NAA60: variants seen among roughly 807,000 people sequenced by gnomAD.
The protein encoded by NAA60 is N-alpha-acetyltransferase 60.
Under a neutral mutation model 26.1 loss-of-function variants are expected in NAA60, and 8 were observed. The ratio of observed to expected loss-of-function variants is 0.31; its 90% CI spans 0.18 to 0.55. The LOEUF (loss-of-function observed/expected upper bound fraction) is 0.55, where lower values mean the gene tolerates loss of function less well. Among genes scored for constraint, NAA60 ranks in the 20% least tolerant of loss-of-function variants. The pLI is 0.93. For missense variants in NAA60, 290 were observed against 311.3 expected, an observed-to-expected ratio of 0.93 and a Z score of 0.51; for synonymous variants, 131 against 122.5, an observed-to-expected ratio of 1.07 and a Z score of -0.46.
chr16:3,483,805 C>T, intron 6 of NAA60: 2 of 570,660 alleles, frequency 3.5e-6, no homozygotes, highest in South Asian at 4.6e-5. Flanking sequence ...GTTGCCCAGG[C>T]TGGTCTCGAA....
chr16:3,443,799 G>A lies in NAA60; in HGVS notation c.-115G>A. 2 of 1,534,944 alleles carry A rather than the reference G, an allele frequency of 1.3e-6. No homozygotes were observed. The highest frequency in any genetic ancestry group is 1.7e-6 in the Non-Finnish European group (2 of 1,146,472). On this transcript the variant is annotated 5_prime_UTR_variant, in exon 1 of 8. Coordinates refer to ENST00000407558, the MANE Select transcript of NAA60 (RefSeq NM_001083601.3). ...CGAGAAGAAGGACAGAAAGAAGACTGGGAGACACCGGAACTCGAAAGAAAA... is the reference window on the plus strand; with the variant it reads ...CGAGAAGAAGGACAGAAAGAAGACTAGGAGACACCGGAACTCGAAAGAAAA...
chr16:3,460,773 G>T (rs1201573775), intron 2 of NAA60, among the ~76,000 whole-genome samples: 1 of 152,216 alleles, frequency 6.6e-6, no homozygotes, highest in African/African-American at 2.4e-5. Flanking sequence ...GTGCTTTCAA[G>T]TAAAATGCTG....
At chr16:3,458,242 G>T in intron 2 of NAA60, 1 of 959,056 alleles carries the variant, frequency 1.0e-6, no homozygotes, top group Non-Finnish European at 1.2e-6. Flanking sequence ...GAGGGGGCGG[G>T]GTAGGCGGGG....
rs766265906 is a variant in NAA60 at position 3,484,698 on chromosome 16, C to T, written c.573-1C>T. 19 of 1,588,154 alleles carry T rather than the reference C, an allele frequency of 1.2e-5. No homozygotes were observed. Among genetic ancestry groups the T allele is most frequent in the Non-Finnish European group, 1.5e-5 (18 of 1,168,418 alleles). On this transcript the variant is annotated splice_acceptor_variant, in intron 6 of 7. Coordinates refer to ENST00000407558, the MANE Select transcript of NAA60 (RefSeq NM_001083601.3). LOFTEE classifies it high-confidence loss of function. ...CGGAATCTTCCTTAACAGAGCCCCA[C>T]GGACTACATCCAGCACCTGGGCTCT...
intron 2 of NAA60, among the ~76,000 whole-genome samples, chr16:3,453,247 A>C (rs552641096): frequency 6.6e-6 from 1 of 152,008 alleles, no homozygotes; most frequent in South Asian, 2.1e-4. Flanking sequence ...AAATACAAAA[A>C]ATTAGCTGGG....
At chr16:3,448,246 C>G (rs1052558032) in intron 1 of NAA60, among the ~76,000 whole-genome samples, 7 of 135,376 alleles carry the variant, frequency 5.2e-5, no homozygotes, top group African/African-American at 1.9e-4. Flanking sequence ...TGCACTCCAG[C>G]TTGGATGACA....
rs1038695505 is a variant in NAA60, at chr16:3,484,979, C to G, written c.*124C>G. The stretch of plus-strand genomic sequence containing the variant: ...CAGCCATCTAACTGGGCTCGTCGGC[C>G]TGCCCCAGCTGCAGGCCCGGTGCTA... On this transcript the variant is annotated 3_prime_UTR_variant, in exon 7 of 8. Coordinates refer to ENST00000407558, the MANE Select transcript of NAA60 (RefSeq NM_001083601.3). 4.6e-6 allele frequency: 7 copies of G among 1,528,538 alleles called. No individual in the cohort carries two copies. Among genetic ancestry groups the G allele is most frequent in the Non-Finnish European group, 6.1e-6 (7 of 1,139,934 alleles). The allele number at this position is 1,528,538 out of a possible 1,614,324, so 94.7% of individuals were successfully genotyped here.
At chr16:3,473,032 T>C (rs80124891) in intron 2 of NAA60, among the ~76,000 whole-genome samples, 11 of 99,028 alleles carry the variant, frequency 1.1e-4, no homozygotes, top group East Asian at 3.9e-4. Context: ...TGTTTTGTTT[T>C]GTTTCGTTTC....
chr16:3,482,164 G>A (rs1368322439), intron 4 of NAA60, among the ~76,000 whole-genome samples: 5 of 152,184 alleles, frequency 3.3e-5, no homozygotes, highest in South Asian at 2.1e-4. Context: ...CATGAGGCCC[G>A]CGTGGTGCTG....
intron 2 of NAA60, among the ~76,000 whole-genome samples, chr16:3,453,417 A>T (rs8061044): frequency 0.051 from 7,669 of 149,640 alleles, 605 homozygotes; most frequent in African/African-American, 0.18. Flanking sequence ...ATGAAAAAAA[A>T]TTTTTTTTTT....
chr16:3,445,112 G>T (rs139352145), intron 1 of NAA60, among the ~76,000 whole-genome samples: 2 of 152,290 alleles, frequency 1.3e-5, no homozygotes, highest in East Asian at 3.9e-4. Context: ...ACAGGTGGAA[G>T]AATGGTAAGA....
At chr16:3,458,115 G>C in intron 2 of NAA60, 1 of 985,274 alleles carries the variant, frequency 1.0e-6, no homozygotes, top group Non-Finnish European at 1.2e-6. Context: ...CCACTTCCCG[G>C]CTCCCTTCGC....
intron 2 of NAA60, among the ~76,000 whole-genome samples, chr16:3,459,407 TACAC>T (rs1889483003): frequency 6.6e-6 from 1 of 152,106 alleles, no homozygotes; most frequent in Non-Finnish European, 1.5e-5. Flanking sequence ...AACAAATAAA[TACAC>T]ACATATCAGT....
In NAA60 at chr16:3,471,434, C is replaced by T. The variant is rs566171893; in HGVS notation, c.-6-4788C>T. Among the ~76,000 whole-genome samples the T allele has an allele frequency of 2.0e-3, 311 of 152,128 alleles. 2 individuals carry two copies. The highest frequency in any genetic ancestry group is 7.3e-3 in the African/African-American group (305 of 41,498). On this transcript the variant is annotated intron_variant, in intron 2 of 7. Coordinates refer to ENST00000407558, the MANE Select transcript of NAA60 (RefSeq NM_001083601.3). ...AGGAGAATGGCGTGAACCCGGGAGGCGGAGCTTGCAGTGAACCGAGATCGC... is the reference window on the plus strand; with the variant it reads ...AGGAGAATGGCGTGAACCCGGGAGGTGGAGCTTGCAGTGAACCGAGATCGC...
At chr16:3,466,442 C>T (rs1169778637) in intron 2 of NAA60, among the ~76,000 whole-genome samples, 1 of 152,244 alleles carries the variant, frequency 6.6e-6, no homozygotes, top group Non-Finnish European at 1.5e-5. Flanking sequence ...CTTTGAGAAA[C>T]AAGCCATGCG....
intron 2 of NAA60, among the ~76,000 whole-genome samples, chr16:3,469,047 C>T (rs1236040748): frequency 6.7e-6 from 1 of 150,332 alleles, no homozygotes; most frequent in African/African-American, 2.5e-5. Context: ...GATCTTGCCA[C>T]TGCACTCCAG....
At chr16:3,482,374 C>G (rs988277060) in intron 4 of NAA60, 128 bp from the exon 5 acceptor site, 6 of 736,504 alleles carry the variant, frequency 8.1e-6, no homozygotes, top group Non-Finnish European at 1.4e-5. Flanking sequence ...CCTCTTGATT[C>G]TGCCCCTCCC....
At chr16:3,483,222 CAGT>C (rs573752733) in intron 5 of NAA60, 138 bp from the exon 6 acceptor site, 14 of 695,436 alleles carry the variant, frequency 2.0e-5, no homozygotes, top group Non-Finnish European at 3.0e-5. Flanking sequence ...GGGACTTTGA[CAGT>C]GGTGGTGAAG....
chr16:3,475,475 C>G (rs559394560), intron 2 of NAA60, among the ~76,000 whole-genome samples: 193 of 152,218 alleles, frequency 1.3e-3, no homozygotes, highest in African/African-American at 4.2e-3. Flanking sequence ...ACTTGGCCGG[C>G]CAGCCTTCCT....
Sources: allele counts gnomAD v4.1 joint callset (sites outside exome capture counted in the v4.1 genomes callset), GRCh38; gene constraint gnomAD v4.1.1; transcripts MANE v1.5; gene names NCBI Gene and HGNC (gene_info 2026-07-23, HGNC 2026-07-21).